PALLD: variants seen among roughly 807,000 people sequenced by gnomAD.
The protein encoded by PALLD is palladin, cytoskeletal associated protein.
A neutral mutation model predicts 123.5 loss-of-function variants in PALLD; 61 were observed. The observed-to-expected ratio is 0.49, with a 90% CI of 0.40 to 0.61. The LOEUF (loss-of-function observed/expected upper bound fraction) is 0.61. PALLD is among the 20% of genes least tolerant of loss of function. PALLD has a pLI of 0.00. For synonymous variants in PALLD, 465 were observed against 496.4 expected, an observed-to-expected ratio of 0.94 and a Z score of 0.84; for missense variants, 1,273 against 1,377.0, an observed-to-expected ratio of 0.92 and a Z score of 1.20.
intron 2 of PALLD, among the ~76,000 whole-genome samples, chr4:168,618,557 C>G (rs1425488042): frequency 6.6e-6 from 1 of 151,696 alleles, no homozygotes; most frequent in African/African-American, 2.4e-5. Context: ...ATCTTAGTCT[C>G]TATTTAACCC....
intron 2 of PALLD, among the ~76,000 whole-genome samples, chr4:168,610,181 C>A (rs1473575406): frequency 6.6e-6 from 1 of 152,178 alleles, no homozygotes; most frequent in Non-Finnish European, 1.5e-5. Context: ...TATGTTGCAT[C>A]TCGGATAGCT....
chr4:168,853,022 A>T (rs767351236), intron 10 of PALLD, among the ~76,000 whole-genome samples: 8 of 152,246 alleles, frequency 5.3e-5, no homozygotes, highest in Non-Finnish European at 1.0e-4. Context: ...CTAATAAATT[A>T]GTTTTCATAA....
chr4:168,636,594 T>C (rs1776369963), intron 2 of PALLD, among the ~76,000 whole-genome samples: 1 of 152,146 alleles, frequency 6.6e-6, no homozygotes, highest in African/African-American at 2.4e-5. Context: ...CTCTCCTCAT[T>C]TGCAAAAATG....
At chr4:168,659,293 GA>G (rs1345871963) in intron 2 of PALLD, among the ~76,000 whole-genome samples, 1 of 152,192 alleles carries the variant, frequency 6.6e-6, no homozygotes, top group Non-Finnish European at 1.5e-5. Context: ...AACCATTGCT[GA>G]AGCACTTATC....
rs75327671 is a variant in PALLD at position 168,730,585 on chromosome 4, G to A, written c.1964+18662G>A. Among the ~76,000 whole-genome samples, 1,516 of 152,184 alleles carry A rather than the reference G, an allele frequency of 1.0e-2. 17 individuals carry two copies. Among genetic ancestry groups the A allele is most frequent in the Middle Eastern group, 0.041 (12 of 294 alleles). On this transcript the variant is annotated intron_variant, in intron 10 of 21. Transcript: ENST00000505667. The stretch of plus-strand genomic sequence containing the variant: ...ATCTTTGGCACCAGCAAGTTGATTG[G>A]AAACTATATGCTTAGCTAGAATGTG...
chr4:168,862,542 A>C (rs1417676480), intron 10 of PALLD, among the ~76,000 whole-genome samples: 2 of 152,218 alleles, frequency 1.3e-5, no homozygotes, highest in East Asian at 3.8e-4. Flanking sequence ...CTGTTGGGCA[A>C]AAAGACTATG....
intron 1 of PALLD, among the ~76,000 whole-genome samples, chr4:168,510,484 A>G (rs1402557414): frequency 6.6e-6 from 1 of 151,758 alleles, no homozygotes; most frequent in Non-Finnish European, 1.5e-5. Context: ...CCACTTTACT[A>G]CCTCCCATGA....
At position 168,869,795 on chromosome 4, in the gene PALLD, TGAGGGCTGGGTTAGA is replaced by T. The variant is rs533676641; in HGVS notation, c.1965-21123_1965-21109del. On this transcript the variant is annotated intron_variant, in intron 10 of 21. Transcript: ENST00000505667. This position sits in a 1 kb window ranked among gnomAD's most constrained non-coding sequence, Gnocchi z 4.5. ...GGAAGTGGATAGTGGAATTCAGGAC[TGAGGGCTGGGTTAGA>T]GAGATCAGGGAGTGAGAGTGATGCA... is the stretch of plus-strand genomic sequence containing the variant. 7.9e-5 allele frequency among the ~76,000 whole-genome samples: 12 copies of T among 152,150 alleles called. No homozygotes were observed. The highest frequency in any genetic ancestry group is 1.8e-4 in the Non-Finnish European group (12 of 68,016).
At chr4:168,657,401 C>A (rs575734295) in intron 2 of PALLD, among the ~76,000 whole-genome samples, 1 of 152,298 alleles carries the variant, frequency 6.6e-6, no homozygotes, top group African/African-American at 2.4e-5. Context: ...CTAGTCTTAG[C>A]CCATTCCTTG....
chr4:168,878,306 C>T lies in PALLD; in HGVS notation c.1965-12616C>T, dbSNP rs121908291. On this transcript the variant is annotated intron_variant, in intron 10 of 21. Transcript: ENST00000505667. ...CACCCGCTTCGGCCACAGCCAGACG[C>T]CCGCGGCCTTCCTCAGCGCTCTGCT... 1,222 of 1,527,100 alleles carry T rather than the reference C, an allele frequency of 8.0e-4. 4 individuals are homozygous for T. The highest frequency in any genetic ancestry group is 1.0e-3 in the Non-Finnish European group (1,183 of 1,143,836). The allele number at this position is 1,527,100 out of a possible 1,614,324, so 94.6% of individuals were successfully genotyped here. A position where few individuals can be genotyped will look rare whatever the true frequency, so the allele number is the denominator to read the frequency against.
chr4:168,580,765 C>T (rs1224740628), intron 2 of PALLD, among the ~76,000 whole-genome samples: 1 of 151,982 alleles, frequency 6.6e-6, no homozygotes, highest in African/African-American at 2.4e-5. Context: ...AAATGTGGCA[C>T]ATATACATCA....
At chr4:168,505,407 T>C (rs2149406973) in intron 1 of PALLD, among the ~76,000 whole-genome samples, 1 of 152,360 alleles carries the variant, frequency 6.6e-6, no homozygotes, top group Non-Finnish European at 1.5e-5. Flanking sequence ...ATTCAGAAGT[T>C]TGCTTTAAGC....
chr4:168,785,510 G>A (rs1399299040), intron 10 of PALLD, among the ~76,000 whole-genome samples: 1 of 152,108 alleles, frequency 6.6e-6, no homozygotes, highest in Non-Finnish European at 1.5e-5. Flanking sequence ...CGGAACTATA[G>A]TGAAACATTT....
intron 10 of PALLD, chr4:168,828,821 A>T (rs1216899610): frequency 6.6e-6 from 1 of 152,244 alleles, no homozygotes; most frequent in Non-Finnish European, 1.5e-5. Flanking sequence ...TAAAGCAGAG[A>T]CTCTGGCAGA....
At chr4:168,906,417 G>A (rs1468810929) in intron 15 of PALLD, among the ~76,000 whole-genome samples, 1 of 152,184 alleles carries the variant, frequency 6.6e-6, no homozygotes, top group Non-Finnish European at 1.5e-5. Flanking sequence ...GCCAATGGCA[G>A]TGTGCAGAGT....
rs879180298 is a variant in PALLD, at chr4:168,499,639, C to T, written c.-83+2445C>T. 3.9e-5 allele frequency among the ~76,000 whole-genome samples: 6 copies of T among 152,144 alleles called. 1 individual carries two copies. Among genetic ancestry groups the T allele is most frequent in the Admixed American group, 3.9e-4 (6 of 15,278 alleles). On this transcript the variant is annotated intron_variant, in intron 1 of 21. Coordinates refer to ENST00000505667, the MANE Select transcript of PALLD (RefSeq NM_001166108.2). ...AGCAACAAAAGATCCCCCTGCATGT[C>T]CCACCTTTCAACTCCTACCCCTGCC...
At chr4:168,806,499 A>G (rs1740220051) in intron 10 of PALLD, among the ~76,000 whole-genome samples, 1 of 152,208 alleles carries the variant, frequency 6.6e-6, no homozygotes, top group African/African-American at 2.4e-5. Flanking sequence ...CCTCCCAGCC[A>G]TGCAGCCGTG....
At chr4:168,500,133 G>C (rs1249106177) in intron 1 of PALLD, among the ~76,000 whole-genome samples, 1 of 152,170 alleles carries the variant, frequency 6.6e-6, no homozygotes, top group African/African-American at 2.4e-5. Context: ...CTACTACATG[G>C]ATTGTTCTGA....
At position 168,684,401 on chromosome 4, in the gene PALLD, C is replaced by G. The variant is rs370659722; in HGVS notation, c.1261-1084C>G. Among the ~76,000 whole-genome samples the G allele has an allele frequency of 2.6e-5, 4 of 152,316 alleles. No individual in the cohort carries two copies. The East Asian group carries it at 7.7e-4, about 29-fold the overall frequency. Reference sequence around the variant, plus strand: ...TTTATTATTGCAGGCAATGTGACATCAAGTAATGCTCTGGAACCAGACTCC... The same window carrying G: ...TTTATTATTGCAGGCAATGTGACATGAAGTAATGCTCTGGAACCAGACTCC... On this transcript the variant is annotated intron_variant, in intron 5 of 21. Coordinates refer to ENST00000505667, the MANE Select transcript of PALLD (RefSeq NM_001166108.2).
Sources: gnomAD v4.1 joint callset for allele counts (sites outside exome capture counted in the v4.1 genomes callset) on GRCh38, gnomAD v4.1.1 for gene constraint, Gnocchi (gnomAD v3.1) non-coding constraint, MANE v1.5 for transcripts, NCBI Gene and HGNC (gene_info 2026-07-23, HGNC 2026-07-21) for gene names.